PTGER3: variants seen among roughly 807,000 people sequenced by gnomAD.
PTGER3 encodes the protein prostaglandin E receptor 3, also known as prostaglandin E2 receptor EP3 subtype.
Under a neutral mutation model 34.7 loss-of-function variants are expected in PTGER3, and 22 were observed. That is an observed-to-expected ratio of 0.63 (90% confidence interval 0.45 to 0.91). The LOEUF (loss-of-function observed/expected upper bound fraction) is 0.91, where lower values mean the gene tolerates loss of function less well. Among genes scored for constraint, PTGER3 ranks in the 40% least tolerant of loss-of-function variants. The probability of loss-of-function intolerance (pLI) is 0.00; values close to 1 mark genes in which losing one functional copy is unlikely to be tolerated. For synonymous variants in PTGER3, 241 were observed against 230.1 expected (o/e 1.05, Z -0.43); for missense variants, 468 against 519.4 (o/e 0.90, Z 0.96).
chr1:71,030,273 A>G (rs931844170), intron 1 of PTGER3, among the ~76,000 whole-genome samples: 2 of 152,184 alleles, frequency 1.3e-5, no homozygotes, highest in Non-Finnish European at 2.9e-5. Flanking sequence ...TTAGAGAGTC[A>G]CCGTGGTCAC....
chr1:70,890,476 A>C (rs989994437), intron 4 of PTGER3, among the ~76,000 whole-genome samples: 2 of 152,158 alleles, frequency 1.3e-5, no homozygotes, highest in Non-Finnish European at 2.9e-5. Flanking sequence ...TATAATACAA[A>C]ATACTGGTCC....
intron 4 of PTGER3, among the ~76,000 whole-genome samples, chr1:70,925,067 T>A (rs760403316): frequency 9.2e-5 from 14 of 152,184 alleles, no homozygotes; most frequent in Non-Finnish European, 1.8e-4. Flanking sequence ...TGCAGTGGCA[T>A]GATTTCCACT....
At chr1:70,858,718 G>A (rs1294214819) in intron 4 of PTGER3, among the ~76,000 whole-genome samples, 3 of 152,146 alleles carry the variant, frequency 2.0e-5, no homozygotes, top group Non-Finnish European at 4.4e-5. Flanking sequence ...AATATGCCCT[G>A]GGGTCCAGGA....
intron 2 of PTGER3, among the ~76,000 whole-genome samples, chr1:70,983,049 T>TA (rs1042442421): frequency 2.0e-4 from 30 of 151,660 alleles, no homozygotes; most frequent in African/African-American, 7.0e-4. Context: ...CTTTGAAGAA[T>TA]AAAAAAAGGA....
chr1:70,882,105 C>T (rs916093569), intron 4 of PTGER3, among the ~76,000 whole-genome samples: 1 of 152,226 alleles, frequency 6.6e-6, no homozygotes, highest in African/African-American at 2.4e-5. Context: ...CCCTTCTTGC[C>T]ATCTCAGTGT....
At chr1:71,044,434 A>G (rs1213137834) in intron 1 of PTGER3, among the ~76,000 whole-genome samples, 2 of 140,490 alleles carry the variant, frequency 1.4e-5, no homozygotes, top group Non-Finnish European at 3.1e-5. Context: ...TTTGAGACAG[A>G]GTCTCAAAAA....
At chr1:71,005,474 G>A (rs374610505) in intron 2 of PTGER3, among the ~76,000 whole-genome samples, 10 of 152,306 alleles carry the variant, frequency 6.6e-5, no homozygotes, top group African/African-American at 2.4e-4. Context: ...ACGTTTCCAT[G>A]TATTCTCATG....
intron 2 of PTGER3, among the ~76,000 whole-genome samples, chr1:70,976,047 T>G (rs1262370590): frequency 6.6e-6 from 1 of 152,058 alleles, no homozygotes; most frequent in Non-Finnish European, 1.5e-5. Flanking sequence ...TTGGCTAAAC[T>G]TTAGAAGCAG....
intron 4 of PTGER3, chr1:70,886,344 T>G: frequency 2.2e-6 from 1 of 446,922 alleles, no homozygotes; most frequent in Non-Finnish European, 4.5e-6. Flanking sequence ...AGAAACAAAT[T>G]TCTGTTGTTT....
At chr1:70,928,406 A>G (rs1295784743) in intron 4 of PTGER3, among the ~76,000 whole-genome samples, 1 of 151,572 alleles carries the variant, frequency 6.6e-6, no homozygotes, top group Non-Finnish European at 1.5e-5. Flanking sequence ...GCCAAGGGGG[A>G]AAGATCACTT....
downstream of PTGER3, chr1:70,970,761 CTATT>C (rs1344685673): frequency 1.7e-6 from 1 of 599,768 alleles, no homozygotes; most frequent in Non-Finnish European, 2.1e-6. Flanking sequence ...CCGTTGAAAA[CTATT>C]AGATGACTCA....
chr1:70,959,796 T>C (rs1297447847), intron 2 of PTGER3, among the ~76,000 whole-genome samples: 1 of 152,216 alleles, frequency 6.6e-6, no homozygotes, highest in Non-Finnish European at 1.5e-5. Flanking sequence ...TTTATGATTT[T>C]GGAGTTTAGA....
chr1:70,863,472 ATT>A (rs1270030272), intron 4 of PTGER3, among the ~76,000 whole-genome samples: 1 of 152,160 alleles, frequency 6.6e-6, no homozygotes, highest in Non-Finnish European at 1.5e-5. Context: ...CAAGAAGAAA[ATT>A]TTGACTCTAG....
downstream of PTGER3, among the ~76,000 whole-genome samples, chr1:70,966,338 A>G (rs559159808): frequency 6.6e-6 from 1 of 152,326 alleles, no homozygotes; most frequent in South Asian, 2.1e-4. Context: ...ACAAATCACC[A>G]CTAAAGAACT....
At position 71,040,883 on chromosome 1, in the gene PTGER3, G is replaced by C. The variant is rs189769102; in HGVS notation, c.897+5798C>G. Among the ~76,000 whole-genome samples the C allele has an allele frequency of 3.1e-4, 47 of 152,318 alleles. No homozygotes were observed. The East Asian group carries it at 8.1e-3, about 26-fold the overall frequency. On this transcript the variant is annotated intron_variant, in intron 1 of 3. Transcript: ENST00000306666. ...TTCGCTAGAAAATGGCTTCTAACTTGAGATCTTAGCCAATCCAAGAGAGGT... is the reference window on the plus strand; with the variant it reads ...TTCGCTAGAAAATGGCTTCTAACTTCAGATCTTAGCCAATCCAAGAGAGGT...
intron 4 of PTGER3, among the ~76,000 whole-genome samples, chr1:70,884,985 T>G (rs187445451): frequency 1.8e-3 from 271 of 152,322 alleles, no homozygotes; most frequent in African/African-American, 6.1e-3. Context: ...CTCTTCTAGA[T>G]GTTAAAATCA....
intron 1 of PTGER3, among the ~76,000 whole-genome samples, chr1:71,024,744 G>A (rs12134962): frequency 0.38 from 56,091 of 147,800 alleles, 11,432 homozygotes; most frequent in South Asian, 0.47. Flanking sequence ...TAGTAGAGAT[G>A]GGGTTTCACC....
intron 2 of PTGER3, chr1:71,009,965 C>A: frequency 1.0e-6 from 1 of 985,180 alleles, no homozygotes; most frequent in Non-Finnish European, 1.2e-6. Flanking sequence ...TTTCCCCATA[C>A]TAACGAATGC....
At position 70,900,466 on chromosome 1, in the gene PTGER3, C is replaced by A. The variant is rs140729537; in HGVS notation, c.*24-47607G>T. 2.5e-3 allele frequency among the ~76,000 whole-genome samples: 379 copies of A among 152,236 alleles called. 3 individuals are homozygous for A. Among genetic ancestry groups the A allele is most frequent in the African/African-American group, 8.3e-3 (345 of 41,548 alleles). On this transcript the variant is annotated intron_variant, in intron 4 of 4. Transcript: ENST00000370931. ...GTGATGGGAAATGTAGATTGAACTC[C>A]TAGAGACTATTTCAGTATGCTTTTA...
Sources: gnomAD v4.1 joint callset for allele counts (sites outside exome capture counted in the v4.1 genomes callset) on GRCh38, gnomAD v4.1.1 for gene constraint, MANE v1.5 for transcripts, NCBI Gene and HGNC (gene_info 2026-07-23, HGNC 2026-07-21) for gene names.